The following PIAS2 variants were observed in gnomAD, a reference collection of about 807,000 sequenced individuals.
PIAS2 encodes E3 SUMO-protein ligase PIAS2.
A neutral mutation model predicts 69.7 loss-of-function variants in PIAS2; 19 were observed. The ratio of observed to expected loss-of-function variants is 0.27; its 90% CI spans 0.19 to 0.40. PIAS2 has a LOEUF of 0.40. Among genes scored for constraint, PIAS2 ranks in the 10% least tolerant of loss-of-function variants. The pLI is 1.00. For synonymous variants in PIAS2, 261 were observed against 263.2 expected, an observed-to-expected ratio of 0.99 and a Z score of 0.08; for missense variants, 624 against 757.0, an observed-to-expected ratio of 0.82 and a Z score of 2.06.
intron 2 of PIAS2, among the ~76,000 whole-genome samples, chr18:46,880,586 C>G (rs2052067794): frequency 6.6e-6 from 1 of 151,930 alleles, no homozygotes; most frequent in Non-Finnish European, 1.5e-5. Flanking sequence ...CAGTGAGACC[C>G]CCGTCTACTA....
At chr18:46,847,485 T>A (rs1278188597) in intron 5 of PIAS2, among the ~76,000 whole-genome samples, 14 of 150,858 alleles carry the variant, frequency 9.3e-5, no homozygotes, top group Non-Finnish European at 5.9e-5. Flanking sequence ...CAACCGTATT[T>A]TTTTTTTTTT....
At chr18:46,917,235 G>T in intron 1 of PIAS2, 87 bp downstream of exon 1, 2 of 1,403,526 alleles carry the variant, frequency 1.4e-6, no homozygotes, top group Non-Finnish European at 1.9e-6. Flanking sequence ...CCAGAGGCAC[G>T]AGCAGGCGGC....
chr18:46,913,484 T>C (rs1360084243), intron 1 of PIAS2, among the ~76,000 whole-genome samples: 1 of 151,330 alleles, frequency 6.6e-6, no homozygotes, highest in Non-Finnish European at 1.5e-5. Context: ...GCACATTCTC[T>C]CTCATTCTGA....
chr18:46,825,756 T>C (rs1401621413), intron 11 of PIAS2, among the ~76,000 whole-genome samples: 1 of 152,230 alleles, frequency 6.6e-6, no homozygotes. Flanking sequence ...AACCATTAAC[T>C]GAAACCTGAC....
In PIAS2 at chr18:46,911,405, G is replaced by A. The variant is rs754442341; in HGVS notation, c.24+5917C>T. On this transcript the variant is annotated intron_variant, in intron 1 of 13. Coordinates refer to ENST00000585916, the MANE Select transcript of PIAS2 (RefSeq NM_004671.5). ...TAATTTTTGCATTTTTAGTAGAGAC[G>A]GGGTTTCACCATGTTAGCCAGGCTG... is the stretch of plus-strand genomic sequence containing the variant. Among the ~76,000 whole-genome samples the A allele has an allele frequency of 3.2e-4, 48 of 151,886 alleles. 1 individual carries two copies. The highest frequency in any genetic ancestry group is 3.4e-4 in the African/African-American group (14 of 41,356).
chr18:46,829,259 G>A (rs1346386703), intron 10 of PIAS2, among the ~76,000 whole-genome samples: 1 of 152,152 alleles, frequency 6.6e-6, no homozygotes, highest in Non-Finnish European at 1.5e-5. Flanking sequence ...TCAAGGCAAT[G>A]TTAAAATTCT....
At chr18:46,891,146 C>A in intron 1 of PIAS2, 92 bp from the exon 2 acceptor site, 1 of 926,240 alleles carries the variant, frequency 1.1e-6, no homozygotes, top group African/African-American at 1.7e-5. Context: ...ATTTTTCCAG[C>A]ATTCTATCAA....
At chr18:46,829,628 C>CT in intron 10 of PIAS2, 106 bp downstream of exon 10, 1 of 950,150 alleles carries the variant, frequency 1.1e-6, no homozygotes, top group South Asian at 1.7e-5. Context: ...CATCAAAAGA[C>CT]TGAGTCAACA....
Position 46,864,264 on chromosome 18 carries a change from AAAAG to A in PIAS2, c.500-20_500-17del, listed in dbSNP as rs763184623. The A allele has an allele frequency of 1.5e-5, 23 of 1,521,048 alleles. No homozygotes were observed. The highest frequency in any genetic ancestry group is 1.3e-4 in the African/African-American group (9 of 71,208). 94.2% of individuals were successfully genotyped at this position (1,521,048 alleles called of 1,614,324 possible). A position where few individuals can be genotyped will look rare whatever the true frequency, so the allele number is the denominator to read the frequency against. On this transcript the variant is annotated splice_polypyrimidine_tract_variant and intron_variant, in intron 2 of 13. Transcript: ENST00000585916. The stretch of plus-strand genomic sequence containing the variant: ...CTGCTTTGAACTGGGAAGAAAAAAA[AAAAG>A]AAAGATAATATTTCAATAACAAATC...
chr18:46,832,032 A>T (rs1264422364), intron 9 of PIAS2, among the ~76,000 whole-genome samples: 3 of 152,220 alleles, frequency 2.0e-5, no homozygotes, highest in Middle Eastern at 3.2e-3. Context: ...GATAGAAAAC[A>T]TTTAAAAATC....
At chr18:46,871,660 G>A (rs147043181) in intron 2 of PIAS2, among the ~76,000 whole-genome samples, 8 of 152,260 alleles carry the variant, frequency 5.3e-5, no homozygotes, top group East Asian at 1.9e-4. Flanking sequence ...AGAGCAGCTC[G>A]TTCCTGTTTG....
At chr18:46,844,183 G>A in intron 7 of PIAS2, 56 bp from the exon 8 acceptor site, 2 of 868,876 alleles carry the variant, frequency 2.3e-6, no homozygotes, top group South Asian at 2.2e-5. Flanking sequence ...ACAAAGAAAT[G>A]GAATTATAGA....
At chr18:46,906,870 G>A (rs1415027848) in intron 1 of PIAS2, among the ~76,000 whole-genome samples, 1 of 151,860 alleles carries the variant, frequency 6.6e-6, no homozygotes, top group African/African-American at 2.4e-5. Flanking sequence ...CAAGCCAGGA[G>A]GACTTGTGCT....
intron 9 of PIAS2, among the ~76,000 whole-genome samples, chr18:46,835,833 A>T (rs2044348956): frequency 6.6e-6 from 1 of 152,226 alleles, no homozygotes; most frequent in Admixed American, 6.5e-5. Flanking sequence ...ATTTTTAAAA[A>T]AGTATTATTT....
intron 1 of PIAS2, among the ~76,000 whole-genome samples, chr18:46,912,596 A>C (rs1182677591): frequency 6.6e-6 from 1 of 152,218 alleles, no homozygotes; most frequent in Non-Finnish European, 1.5e-5. Context: ...CAAAATTAGG[A>C]ACCAAAATGT....
chr18:46,820,212 C>T (rs966295394), intron 12 of PIAS2, among the ~76,000 whole-genome samples: 2 of 151,984 alleles, frequency 1.3e-5, no homozygotes, highest in Non-Finnish European at 1.5e-5. Context: ...TTCAAGTAAC[C>T]GTTATTTTAA....
intron 6 of PIAS2, among the ~76,000 whole-genome samples, chr18:46,845,292 C>T (rs571578382): frequency 6.6e-6 from 1 of 152,234 alleles, no homozygotes; most frequent in East Asian, 1.9e-4. Flanking sequence ...GGCCAGTGGT[C>T]TGAATTAACA....
chr18:46,901,889 C>T (rs2055918485), intron 1 of PIAS2, among the ~76,000 whole-genome samples: 1 of 152,152 alleles, frequency 6.6e-6, no homozygotes, highest in Non-Finnish European at 1.5e-5. Context: ...TACTATCACC[C>T]CTCATTCAAC....
intron 2 of PIAS2, among the ~76,000 whole-genome samples, chr18:46,886,859 T>C (rs566528333): frequency 6.6e-6 from 1 of 151,190 alleles, no homozygotes; most frequent in Non-Finnish European, 1.5e-5. Context: ...AAAAAACAAA[T>C]AAAATCGAAT....
Sources: gnomAD v4.1 joint callset for allele counts (sites outside exome capture counted in the v4.1 genomes callset) on GRCh38, gnomAD v4.1.1 for gene constraint, MANE v1.5 for transcripts, NCBI Gene and HGNC (gene_info 2026-07-23, HGNC 2026-07-21) for gene names.